Variants in LYPLA1 observed in about 807,000 individuals in gnomAD.
LYPLA1 encodes lysophospholipase 1.
Under a neutral mutation model 34.0 loss-of-function variants are expected in LYPLA1, and 17 were observed. That is an observed-to-expected ratio of 0.50 (90% CI 0.34 to 0.75). The LOEUF (loss-of-function observed/expected upper bound fraction) is 0.75, where lower values mean the gene tolerates loss of function less well. LYPLA1 is among the 30% of genes least tolerant of loss of function. The pLI is 0.01. For missense variants in LYPLA1, 203 were observed against 288.8 expected, an observed-to-expected ratio of 0.70 and a Z score of 2.15; for synonymous variants, 98 against 100.8, an observed-to-expected ratio of 0.97 and a Z score of 0.17.
At chr8:54,089,628 C>CTT (rs879905074) in intron 2 of LYPLA1, among the ~76,000 whole-genome samples, 3 of 142,452 alleles carry the variant, frequency 2.1e-5, no homozygotes, top group Admixed American at 7.1e-5. Flanking sequence ...TTGCCAACCT[C>CTT]TTTTTTTTTT....
In LYPLA1 at chr8:54,050,992, C is replaced by T; in HGVS notation, c.639+20G>A. On this transcript the variant is annotated intron_variant, in intron 8 of 8. Transcript: ENST00000316963. ...AAAAAGTTACAAATATGGCGCTGAT[C>T]ACTGCTTCTAGACACCTACCTGTTG... The T allele has an allele frequency of 6.4e-7, 1 of 1,566,918 alleles. No individual in the cohort carries two copies.
In LYPLA1 at chr8:54,050,766, T is replaced by C. The variant is rs149983172; in HGVS notation, c.639+246A>G. Among the ~76,000 whole-genome samples the C allele has an allele frequency of 3.9e-4, 60 of 152,364 alleles. 1 individual carries two copies. In the East Asian group the frequency reaches 0.011, roughly 28 times the overall value. ...ATGCATCTTTCTATTAAATTTTATC[T>C]TAAATTTTAATGAAAGGGAATGTTT... On this transcript the variant is annotated intron_variant, in intron 8 of 8. Coordinates refer to ENST00000316963, the MANE Select transcript of LYPLA1 (RefSeq NM_006330.4).
intron 2 of LYPLA1, among the ~76,000 whole-genome samples, chr8:54,080,146 G>A (rs1357072101): frequency 3.3e-5 from 5 of 152,146 alleles, no homozygotes; most frequent in Non-Finnish European, 7.3e-5. Flanking sequence ...ACCACTTTGG[G>A]AGGCTGAGGT....
chr8:54,054,983 C>G, intron 6 of LYPLA1, 77 bp downstream of exon 6: 4 of 861,572 alleles, frequency 4.6e-6, no homozygotes, highest in Non-Finnish European at 7.7e-6. Flanking sequence ...AAAGACTACT[C>G]TATAGAAAGG....
At chr8:54,101,123 C>T (rs1810104777) in intron 1 of LYPLA1, among the ~76,000 whole-genome samples, 184 bp from the exon 2 acceptor site, 1 of 147,520 alleles carries the variant, frequency 6.8e-6, no homozygotes, top group East Asian at 1.9e-4. Context: ...CAACTTCTCC[C>T]TTTATTTCCT....
At chr8:54,076,332 A>C (rs1187052521) in intron 2 of LYPLA1, among the ~76,000 whole-genome samples, 2 of 152,256 alleles carry the variant, frequency 1.3e-5, no homozygotes, top group Non-Finnish European at 2.9e-5. Flanking sequence ...AGCAGCTAGT[A>C]ACCCATTAAA....
chr8:54,047,942 C>A lies in LYPLA1; in HGVS notation c.*123G>T. ...GATATTATTTGATCTGTGTTATTGG[C>A]ATGTATTTGCAAAACATTTTAACAC... On this transcript the variant is annotated 3_prime_UTR_variant, in exon 9 of 9. Transcript: ENST00000316963. The A allele has an allele frequency of 4.8e-6, 3 of 621,418 alleles. No homozygotes were observed. Among genetic ancestry groups the A allele is most frequent in the Non-Finnish European group, 8.6e-6 (3 of 348,948 alleles). The allele number at this position is 621,418 out of a possible 1,614,324, so 38.5% of individuals were successfully genotyped here.
chr8:54,069,324 A>C (rs751887109), intron 2 of LYPLA1, among the ~76,000 whole-genome samples: 1 of 152,236 alleles, frequency 6.6e-6, no homozygotes, highest in Non-Finnish European at 1.5e-5. Flanking sequence ...TGATTCTTAC[A>C]TGTTGTATAC....
At chr8:54,050,561 G>T (rs945527832) in intron 8 of LYPLA1, among the ~76,000 whole-genome samples, 27 of 152,198 alleles carry the variant, frequency 1.8e-4, no homozygotes, top group African/African-American at 6.5e-4. Context: ...CTGCACATTT[G>T]CTATCCAAAT....
intron 2 of LYPLA1, among the ~76,000 whole-genome samples, chr8:54,071,230 TG>T (rs35502878): frequency 0.2 from 30,558 of 152,042 alleles, 4,350 homozygotes; most frequent in East Asian, 0.74. Context: ...CACATACTCC[TG>T]GAAAGGATCT....
chr8:54,043,571 A>G (rs1393391738), downstream of LYPLA1, among the ~76,000 whole-genome samples: 1 of 149,514 alleles, frequency 6.7e-6, no homozygotes, highest in East Asian at 2.0e-4. Context: ...ACCGCACCTG[A>G]CCCTATTTAT....
chr8:54,097,490 CTA>C (rs1327461449), intron 2 of LYPLA1, among the ~76,000 whole-genome samples: 1 of 152,092 alleles, frequency 6.6e-6, no homozygotes, highest in Non-Finnish European at 1.5e-5. Flanking sequence ...GAGGAGATAG[CTA>C]TAAAGGATAT....
chr8:54,089,886 A>AC (rs1809093053), intron 2 of LYPLA1, among the ~76,000 whole-genome samples: 1 of 152,036 alleles, frequency 6.6e-6, no homozygotes, highest in Admixed American at 6.6e-5. Context: ...GTGTAGGGAG[A>AC]CCCCCTGAAA....
At chr8:54,071,340 T>C (rs1251153657) in intron 2 of LYPLA1, among the ~76,000 whole-genome samples, 4 of 152,148 alleles carry the variant, frequency 2.6e-5, no homozygotes, top group Non-Finnish European at 4.4e-5. Flanking sequence ...ATCTCCTAAT[T>C]TGGAGTGTTG....
chr8:54,056,696 C>T (rs796557844), intron 5 of LYPLA1, among the ~76,000 whole-genome samples: 12 of 152,204 alleles, frequency 7.9e-5, no homozygotes, highest in African/African-American at 2.4e-4. Context: ...GGGTGGGTTA[C>T]GAGGTCAAGT....
At chr8:54,077,917 C>A (rs1808027112) in intron 2 of LYPLA1, among the ~76,000 whole-genome samples, 2 of 152,072 alleles carry the variant, frequency 1.3e-5, no homozygotes. Context: ...TTGATGGTTT[C>A]ATGGGTGTAA....
At chr8:54,081,391 A>T (rs904299516) in intron 2 of LYPLA1, among the ~76,000 whole-genome samples, 2 of 152,008 alleles carry the variant, frequency 1.3e-5, no homozygotes, top group East Asian at 3.8e-4. Context: ...CCAATGAAAG[A>T]GCTCAAGAAA....
In LYPLA1 at chr8:54,059,276, C is replaced by T. The variant is rs568114612; in HGVS notation, c.286+2978G>A. On this transcript the variant is annotated intron_variant, in intron 5 of 8. Coordinates refer to ENST00000316963, the MANE Select transcript of LYPLA1 (RefSeq NM_006330.4). ...TGGTTTGACATTCCCAAATATCTCA[C>T]ATCTTTTGAATGTATTTTCCCTGTT... Among the ~76,000 whole-genome samples, 11 of 151,736 alleles carry T rather than the reference C, an allele frequency of 7.2e-5. 1 individual carries two copies. In the South Asian group the frequency reaches 2.3e-3, roughly 31 times the overall value.
At chr8:54,054,780 C>T (rs1440763558) in intron 6 of LYPLA1, 1 of 294,358 alleles carries the variant, frequency 3.4e-6, no homozygotes, top group African/African-American at 2.2e-5. Context: ...TAGTCTCCTC[C>T]TATAGAGGGG....
Sources: gnomAD v4.1 joint callset for allele counts (sites outside exome capture counted in the v4.1 genomes callset) on GRCh38, gnomAD v4.1.1 for gene constraint, MANE v1.5 for transcripts, NCBI Gene and HGNC (gene_info 2026-07-23, HGNC 2026-07-21) for gene names.